SIL1: variants seen among roughly 807,000 people sequenced by gnomAD.
SIL1 encodes the protein nucleotide exchange factor SIL1.
SIL1 carries 40 observed loss-of-function variants against 49.1 expected under a neutral mutation model. The observed-to-expected ratio is 0.81, with a 90% CI of 0.63 to 1.06. The LOEUF is 1.06. Among genes scored for constraint, SIL1 ranks in the 50% least tolerant of loss-of-function variants. The pLI is 0.00. For missense variants in SIL1, 500 were observed against 572.6 expected (o/e 0.87, Z 1.29); for synonymous variants, 253 against 250.8 (o/e 1.01, Z -0.08).
intron 9 of SIL1, among the ~76,000 whole-genome samples, chr5:138,950,266 A>T (rs753458504): frequency 6.6e-6 from 1 of 152,220 alleles, no homozygotes; most frequent in Non-Finnish European, 1.5e-5. Context: ...AGGCCTTATC[A>T]ATTGGATCTG....
intron 1 of SIL1, among the ~76,000 whole-genome samples, chr5:139,165,808 C>A (rs1460222810): frequency 6.6e-6 from 1 of 151,782 alleles, no homozygotes; most frequent in Non-Finnish European, 1.5e-5. Context: ...CAGGTACATG[C>A]CCACCATGCC....
At chr5:139,121,888 G>C (rs1168177941) in intron 2 of SIL1, among the ~76,000 whole-genome samples, 2 of 152,184 alleles carry the variant, frequency 1.3e-5, no homozygotes, top group African/African-American at 2.4e-5. Flanking sequence ...CTCAGCTCAG[G>C]AGACAGCGAT....
At chr5:139,154,927 G>A (rs1751379200) in intron 1 of SIL1, among the ~76,000 whole-genome samples, 1 of 152,126 alleles carries the variant, frequency 6.6e-6, no homozygotes, top group African/African-American at 2.4e-5. Flanking sequence ...TTGCAAATCA[G>A]AACAATTCTT....
chr5:139,176,560 C>T (rs1361282404), intron 1 of SIL1, among the ~76,000 whole-genome samples: 9 of 152,108 alleles, frequency 5.9e-5, no homozygotes, highest in African/African-American at 2.2e-4. Flanking sequence ...AAATTTATTG[C>T]TAACAATTCT....
intron 3 of SIL1, among the ~76,000 whole-genome samples, chr5:139,079,477 A>G (rs1186011672): frequency 1.3e-5 from 2 of 152,254 alleles, no homozygotes; most frequent in African/African-American, 4.8e-5. Flanking sequence ...CTCAAGGGCC[A>G]TCTCCACAAT....
At chr5:138,957,942 TG>T (rs1766937317) in intron 7 of SIL1, among the ~76,000 whole-genome samples, 1 of 150,930 alleles carries the variant, frequency 6.6e-6, no homozygotes, top group Non-Finnish European at 1.5e-5. Context: ...TTTTTGTAGA[TG>T]GGGGTTCTCA....
chr5:138,987,770 T>C (rs1391464629), intron 7 of SIL1, among the ~76,000 whole-genome samples: 1 of 152,250 alleles, frequency 6.6e-6, no homozygotes, highest in Non-Finnish European at 1.5e-5. Flanking sequence ...CCCAACCAGC[T>C]GGCCACCTGG....
At chr5:138,985,706 G>A (rs1452865193) in intron 7 of SIL1, among the ~76,000 whole-genome samples, 1 of 152,192 alleles carries the variant, frequency 6.6e-6, no homozygotes, top group East Asian at 1.9e-4. Context: ...ACCCAAGACT[G>A]TATCCCATGT....
intron 7 of SIL1, among the ~76,000 whole-genome samples, chr5:139,006,848 T>C (rs2150415860): frequency 6.7e-6 from 1 of 148,538 alleles, no homozygotes; most frequent in African/African-American, 2.5e-5. Flanking sequence ...TACCATGCTG[T>C]TTTGGTTACT....
chr5:139,129,457 G>A (rs894586477), intron 1 of SIL1, among the ~76,000 whole-genome samples: 3 of 152,148 alleles, frequency 2.0e-5, no homozygotes, highest in African/African-American at 7.2e-5. Flanking sequence ...CAGATCACAA[G>A]GTCAGGAGAT....
chr5:139,106,748 G>T (rs956992979), intron 3 of SIL1, among the ~76,000 whole-genome samples: 6 of 152,170 alleles, frequency 3.9e-5, no homozygotes, highest in Admixed American at 2.0e-4. Context: ...TAGCATGACA[G>T]GGATGGCCAC....
In SIL1 at chr5:139,051,020, C is replaced by A; in HGVS notation, c.271G>T (p.Val91Leu). 6.2e-7 allele frequency: 1 copy of A among 1,614,158 alleles called. No homozygotes were observed. The highest frequency in any genetic ancestry group is 1.3e-5 in the African/African-American group (1 of 75,044). ...PGQAVPAGSH[V>L]RLNLQTGERE... Reference sequence around the variant, plus strand: ...TCCCCAGTCTGAAGATTCAGCCGTACGTGGGATCCTGCAGGGACAGCCTGC... The same window carrying A: ...TCCCCAGTCTGAAGATTCAGCCGTAAGTGGGATCCTGCAGGGACAGCCTGC... The change falls in exon 4 of 10, where the codon GTA (valine) becomes TTA (leucine). Residue 91 changes from valine to leucine, a missense_variant. Physicochemically the swap from Val to Leu is conservative, Grantham distance 32 (BLOSUM62 1). Coordinates refer to ENST00000394817, the MANE Select transcript of SIL1 (RefSeq NM_022464.5).
chr5:139,081,470 T>C (rs1225994391), intron 3 of SIL1, among the ~76,000 whole-genome samples: 4 of 152,160 alleles, frequency 2.6e-5, no homozygotes, highest in Non-Finnish European at 2.9e-5. Context: ...TAAGAAAACA[T>C]GACAAAGAGC....
chr5:139,097,590 G>A (rs1188248509), intron 3 of SIL1, among the ~76,000 whole-genome samples: 1 of 150,806 alleles, frequency 6.6e-6, no homozygotes, highest in Non-Finnish European at 1.5e-5. Flanking sequence ...CAATTCTCCT[G>A]CCTCAGCCTC....
chr5:139,137,302 G>A (rs1316726393), intron 1 of SIL1: 4 of 702,322 alleles, frequency 5.7e-6, no homozygotes, highest in South Asian at 4.4e-5. Context: ...CCCATGAGGG[G>A]ACCAAAATTC....
At chr5:138,998,380 C>A (rs7720150) in intron 7 of SIL1, among the ~76,000 whole-genome samples, 54,792 of 151,932 alleles carry the variant, frequency 0.36, 9,929 homozygotes, top group Middle Eastern at 0.44. Flanking sequence ...GTTGCCCACA[C>A]TGGTCTCGAA....
chr5:139,176,344 G>A (rs1751881985), intron 1 of SIL1, among the ~76,000 whole-genome samples: 2 of 151,958 alleles, frequency 1.3e-5, no homozygotes, highest in African/African-American at 2.4e-5. Context: ...CTGAACCTTC[G>A]TCGGAATTAC....
At chr5:139,008,596 TTTAGTGCTATA>T (rs1234307340) in intron 7 of SIL1, among the ~76,000 whole-genome samples, 3 of 147,462 alleles carry the variant, frequency 2.0e-5, no homozygotes. Context: ...CTTGTGGGCA[TTTAGTGCTATA>T]AATTTCCCTC....
chr5:139,137,574 C>T, intron 1 of SIL1: 1 of 420,740 alleles, frequency 2.4e-6, no homozygotes, highest in South Asian at 3.5e-5. Flanking sequence ...TACATGTGCA[C>T]AATGTGCAGG....
Sources: allele counts gnomAD v4.1 joint callset (sites outside exome capture counted in the v4.1 genomes callset), GRCh38; gene constraint gnomAD v4.1.1; transcripts MANE v1.5; gene names NCBI Gene and HGNC (gene_info 2026-07-23, HGNC 2026-07-21).